The following LYST variants were observed in gnomAD, a reference collection of about 807,000 sequenced individuals.
LYST encodes the protein lysosomal trafficking regulator, also known as lysosomal-trafficking regulator.
Under a neutral mutation model 413.6 loss-of-function variants are expected in LYST, and 192 were observed. The ratio of observed to expected loss-of-function variants is 0.46; its 90% CI spans 0.41 to 0.52. The LOEUF (loss-of-function observed/expected upper bound fraction) is 0.52. Ranked by LOEUF, LYST falls within the 20% of genes least tolerant of loss-of-function variation. The probability of loss-of-function intolerance (pLI) is 0.00; values close to 1 mark genes in which losing one functional copy is unlikely to be tolerated. For missense variants in LYST, 3,815 were observed against 4,499.9 expected, an observed-to-expected ratio of 0.85 and a Z score of 4.35; for synonymous variants, 1,525 against 1,567.3, an observed-to-expected ratio of 0.97 and a Z score of 0.64.
At chr1:235,770,131 T>C (rs1190041481) in intron 20 of LYST, 29 bp downstream of exon 20, 1 of 1,609,618 alleles carries the variant, frequency 6.2e-7, no homozygotes, top group East Asian at 2.2e-5. Flanking sequence ...TGGAATATAT[T>C]TCCAAAAGTA....
intron 48 of LYST, among the ~76,000 whole-genome samples, chr1:235,680,292 G>A (rs563502748): frequency 6.6e-6 from 1 of 152,224 alleles, no homozygotes; most frequent in East Asian, 1.9e-4. Context: ...GTCTCACTCC[G>A]TCACCCAGGC....
rs771634926 is a variant in LYST, at chr1:235,806,358, A to G, written c.2778T>C (p.Thr926=). The stretch of plus-strand genomic sequence containing the variant: ...CGCTGGCTGTGCTGTCATAGCCAGA[A>G]GTATCTTCTGAGTCATTGGCCGACT... The part of the protein sequence containing the change: ...DRESANDSED[T]SGYDSTASEP... Residue 926 remains threonine (T), a synonymous_variant, in exon 6 of 53, where the codon ACT becomes ACC. Coordinates refer to ENST00000389793, the MANE Select transcript of LYST (RefSeq NM_000081.4). 5.6e-6 allele frequency: 9 copies of G among 1,614,066 alleles called. No individual in the cohort carries two copies. In the South Asian group the frequency reaches 7.7e-5, roughly 14 times the overall value.
chr1:235,865,317 C>A (rs1184036454), intron 1 of LYST, among the ~76,000 whole-genome samples: 2 of 152,104 alleles, frequency 1.3e-5, no homozygotes, highest in Non-Finnish European at 2.9e-5. Context: ...CCTGCCCTCC[C>A]TCTTCCCTGC....
rs145069394 is a variant in LYST, at chr1:235,766,135, G to A, written c.6065C>T (p.Pro2022Leu). ...ATTGTGACAAACGTAAGTATTAGTA[G>A]GAGGGTGAACTGCTAAAAGGAAATT... ...IFNFLLAVHP[P>L]TNTYVCHNPT... Residue 2022 changes from proline to leucine, a missense_variant, in exon 21 of 53, where the codon CCT (proline) becomes CTT (leucine). By Grantham distance (98) the Pro-to-Leu change is moderately conservative. This residue lies in a region of LYST where 530 missense variants were observed against 696.5 expected (regional missense o/e 0.76). Coordinates refer to ENST00000389793, the MANE Select transcript of LYST (RefSeq NM_000081.4). 54 of 1,613,404 alleles carry A rather than the reference G, an allele frequency of 3.3e-5. No homozygotes were observed. The highest frequency in any genetic ancestry group is 4.4e-5 in the Non-Finnish European group (52 of 1,179,532).
intron 16 of LYST, among the ~76,000 whole-genome samples, chr1:235,779,939 T>A (rs932805259): frequency 6.6e-6 from 1 of 152,156 alleles, no homozygotes; most frequent in Non-Finnish European, 1.5e-5. Flanking sequence ...CTAAGACTAT[T>A]TATGAAGGCT....
chr1:235,809,433 G>T lies in LYST; in HGVS notation c.1385C>A (p.Pro462His). 1.2e-6 allele frequency: 2 copies of T among 1,613,896 alleles called. No homozygotes were observed. Among genetic ancestry groups the T allele is most frequent in the Non-Finnish European group, 1.7e-6 (2 of 1,179,968 alleles). ...TTTCAAATGCTCTGAGGCCTCGGGA[G>T]GAACTCCATCTCTTAAAACCAGCCA... ...MEWLVLRDGV[P>H]PEASEHLKAL... Residue 462 changes from proline (P) to histidine (H), a missense_variant, in exon 5 of 53, where the codon CCT becomes CAT. By Grantham distance (77) the Pro-to-His change is moderately conservative. This residue lies in a region of LYST where 1,648 missense variants were observed against 1,810.3 expected (regional missense o/e 0.91). Coordinates refer to ENST00000389793, the MANE Select transcript of LYST (RefSeq NM_000081.4). This position sits in a 1 kb window ranked among gnomAD's most constrained non-coding sequence, Gnocchi z 4.0.
chr1:235,722,805 C>T (rs1042022887), intron 39 of LYST, among the ~76,000 whole-genome samples: 43 of 152,172 alleles, frequency 2.8e-4, no homozygotes, highest in African/African-American at 9.9e-4. Context: ...TAAACTACTT[C>T]GTTTCAGTCA....
chr1:235,794,536 C>CA (rs1485821699), intron 10 of LYST, among the ~76,000 whole-genome samples: 1 of 151,932 alleles, frequency 6.6e-6, no homozygotes, highest in African/African-American at 2.4e-5. Context: ...TCACCAAAAA[C>CA]AAAAAACCCT....
intron 50 of LYST, among the ~76,000 whole-genome samples, chr1:235,672,347 G>C (rs576278280): frequency 6.6e-6 from 1 of 152,212 alleles, no homozygotes; most frequent in Non-Finnish European, 1.5e-5. Context: ...AGAGACCTAA[G>C]GTATGCCATC....
chr1:235,806,862 C>T (rs1259108872), intron 5 of LYST, 90 bp from the exon 6 acceptor site: 1 of 859,064 alleles, frequency 1.2e-6, no homozygotes, highest in Non-Finnish European at 1.9e-6. Context: ...ATCGCTATTG[C>T]ATGTGGGATA....
chr1:235,755,462 G>A lies in LYST; in HGVS notation c.7229+16C>T, dbSNP rs182966607. ...CAAAAGATTCCCAATTATAGTGGAG[G>A]GAAGAACACACTTACTCTTCATCAA... On this transcript the variant is annotated intron_variant, in intron 25 of 52. Coordinates refer to ENST00000389793, the MANE Select transcript of LYST (RefSeq NM_000081.4). 11 of 1,583,348 alleles carry A rather than the reference G, an allele frequency of 6.9e-6. No homozygotes were observed. Among genetic ancestry groups the A allele is most frequent in the African/African-American group, 1.4e-5 (1 of 72,246 alleles).
At chr1:235,680,161 C>T (rs1659697683) in intron 48 of LYST, among the ~76,000 whole-genome samples, 1 of 151,656 alleles carries the variant, frequency 6.6e-6, no homozygotes, top group Non-Finnish European at 1.5e-5. Flanking sequence ...ATATTTTATC[C>T]ACTCTTCATC....
At chr1:235,838,492 T>C (rs1676819020) in intron 1 of LYST, among the ~76,000 whole-genome samples, 1 of 152,256 alleles carries the variant, frequency 6.6e-6, no homozygotes. Flanking sequence ...ATAGCCTTTA[T>C]TGCTCATCTT....
At chr1:235,796,403 A>G (rs1006374507) in intron 10 of LYST, among the ~76,000 whole-genome samples, 1 of 152,196 alleles carries the variant, frequency 6.6e-6, no homozygotes, top group Admixed American at 6.5e-5. Flanking sequence ...TACATAAAAA[A>G]AACCTCTTAC....
chr1:235,810,405 T>C lies in LYST; in HGVS notation c.413A>G (p.Asn138Ser), dbSNP rs747965164. The stretch of plus-strand genomic sequence containing the variant: ...CTGTCGTCTGCTTTTTCGAAAAACA[T>C]TTACTTTTGCAGAAACCTGACTAGA... ...ALSSQVSAKV[N>S]VFRKSRRQRK... Residue 138 changes from asparagine (N) to serine (S), a missense_variant, in exon 5 of 53, where the codon AAT (asparagine) becomes AGT (serine). Physicochemically the swap from Asn to Ser is conservative, Grantham distance 46. Coordinates refer to ENST00000389793, the MANE Select transcript of LYST (RefSeq NM_000081.4). The C allele has an allele frequency of 6.2e-7, 1 of 1,612,174 alleles. No individual in the cohort carries two copies. Among genetic ancestry groups the C allele is most frequent in the African/African-American group, 1.3e-5 (1 of 74,712 alleles).
chr1:235,803,486 C>G (rs1378368447), intron 7 of LYST, among the ~76,000 whole-genome samples: 1 of 151,948 alleles, frequency 6.6e-6, no homozygotes, highest in Non-Finnish European at 1.5e-5. Flanking sequence ...AGTTAGGTAA[C>G]TAGAGCAGAC....
At chr1:235,727,415 C>T (rs1364566359) in intron 38 of LYST, among the ~76,000 whole-genome samples, 1 of 152,024 alleles carries the variant, frequency 6.6e-6, no homozygotes, top group African/African-American at 2.4e-5. Context: ...TGAGCCACTG[C>T]ACCCAGCCTA....
intron 43 of LYST, among the ~76,000 whole-genome samples, 166 bp downstream of exon 43, chr1:235,711,891 C>T (rs954028933): frequency 6.6e-6 from 1 of 151,860 alleles, no homozygotes; most frequent in Non-Finnish European, 1.5e-5. Flanking sequence ...ACTTAAAATC[C>T]TCAAGCTTAT....
intron 3 of LYST, chr1:235,829,329 C>T (rs1230603183): frequency 1.3e-5 from 2 of 152,134 alleles, no homozygotes; most frequent in African/African-American, 4.8e-5. Context: ...CTCCATATTT[C>T]CTCAATATAT....
Sources: gnomAD v4.1 joint callset for allele counts (sites outside exome capture counted in the v4.1 genomes callset) on GRCh38, gnomAD v4.1.1 for gene constraint, gnomAD v4.1.1 regional missense constraint, Gnocchi (gnomAD v3.1) non-coding constraint, MANE v1.5 for transcripts, NCBI Gene and HGNC (gene_info 2026-07-23, HGNC 2026-07-21) for gene names.